Variants in PTPRD observed in about 807,000 individuals in gnomAD.
PTPRD encodes the protein receptor-type tyrosine-protein phosphatase delta.
In PTPRD, 34 loss-of-function variants were observed where a neutral mutation model predicts 214.5. The ratio of observed to expected loss-of-function variants is 0.16; its 90% CI spans 0.12 to 0.21. The LOEUF is 0.21. Among genes scored for constraint, PTPRD ranks in the 10% least tolerant of loss-of-function variants. The pLI, the probability that PTPRD is intolerant of heterozygous loss-of-function variation, is 1.00. For synonymous variants in PTPRD, 1,128 were observed against 845.7 expected (o/e 1.33, Z -5.79); for missense variants, 2,545 against 2,398.7 (o/e 1.06, Z -1.27).
At chr9:8,833,980 C>T (rs1381375629) in intron 11 of PTPRD, among the ~76,000 whole-genome samples, 1 of 150,816 alleles carries the variant, frequency 6.6e-6, no homozygotes, top group African/African-American at 2.4e-5. Context: ...AACAGGTAGA[C>T]ATTTAGTAGA....
chr9:9,723,739 T>C (rs1474875234), intron 7 of PTPRD, among the ~76,000 whole-genome samples: 1 of 152,124 alleles, frequency 6.6e-6, no homozygotes, highest in Non-Finnish European at 1.5e-5. Context: ...CCTCTTTTGT[T>C]AAGTTTATTC....
intron 39 of PTPRD, among the ~76,000 whole-genome samples, chr9:8,350,954 C>T (rs975229256): frequency 4.6e-5 from 7 of 152,152 alleles, no homozygotes; most frequent in South Asian, 2.1e-4. Flanking sequence ...TGACCCAGCA[C>T]CTCCAACTCT....
chr9:10,365,263 T>A (rs534764494), intron 2 of PTPRD, among the ~76,000 whole-genome samples: 1 of 152,186 alleles, frequency 6.6e-6, no homozygotes, highest in African/African-American at 2.4e-5. Context: ...AGTTGTCCAC[T>A]CTGCTTATAG....
chr9:10,200,823 T>C (rs761957406), intron 3 of PTPRD, among the ~76,000 whole-genome samples: 3 of 152,100 alleles, frequency 2.0e-5, no homozygotes, highest in Non-Finnish European at 2.9e-5. Flanking sequence ...TTGATGTCAA[T>C]TGAAAGCATC....
At chr9:8,932,376 T>A (rs564943168) in intron 11 of PTPRD, among the ~76,000 whole-genome samples, 1 of 152,330 alleles carries the variant, frequency 6.6e-6, no homozygotes, top group Non-Finnish European at 1.5e-5. Flanking sequence ...TCTCATTGGT[T>A]TCAAACAATA....
rs73429096 is a variant in PTPRD, at chr9:8,813,855, A to C, written c.-103-79909T>G. Among the ~76,000 whole-genome samples, 611 of 152,370 alleles carry C rather than the reference A, an allele frequency of 4.0e-3. 2 individuals carry two copies. The highest frequency in any genetic ancestry group is 0.013 in the African/African-American group (540 of 41,592). ...CTTACTGAGGAAGAAATTTAAAAGA[A>C]AATGACAACATCGTCTGAGAAGTCT... On this transcript the variant is annotated intron_variant, in intron 11 of 45. Transcript: ENST00000381196.
chr9:9,649,660 G>A (rs955652371), intron 7 of PTPRD, among the ~76,000 whole-genome samples: 1 of 152,106 alleles, frequency 6.6e-6, no homozygotes. Flanking sequence ...CTCATAACTA[G>A]AGTCACTCAT....
At chr9:10,036,566 AC>A (rs200311787) in intron 3 of PTPRD, among the ~76,000 whole-genome samples, 4,290 of 132,334 alleles carry the variant, frequency 0.032, 117 homozygotes, top group Admixed American at 0.1. Flanking sequence ...CAGCACAAAT[AC>A]ATTTTTTTTT....
At chr9:9,681,117 A>G (rs2154397370) in intron 7 of PTPRD, among the ~76,000 whole-genome samples, 1 of 151,976 alleles carries the variant, frequency 6.6e-6, no homozygotes. Flanking sequence ...ATTTCTAAAA[A>G]ATGGAAATAC....
At chr9:8,567,738 C>T (rs1564403496) in intron 14 of PTPRD, among the ~76,000 whole-genome samples, 1 of 152,104 alleles carries the variant, frequency 6.6e-6, no homozygotes. Context: ...AATCATACAA[C>T]CTTTAGGCTG....
chr9:10,085,506 G>A (rs1486081709), intron 3 of PTPRD, among the ~76,000 whole-genome samples: 2 of 151,782 alleles, frequency 1.3e-5, no homozygotes, highest in African/African-American at 2.4e-5. Flanking sequence ...TTTGTGTTGA[G>A]AAATAAGACT....
chr9:10,584,076 A>T (rs1484154225), intron 2 of PTPRD, among the ~76,000 whole-genome samples: 6 of 152,006 alleles, frequency 3.9e-5, no homozygotes, highest in Non-Finnish European at 8.8e-5. Context: ...TGTCTTTCTC[A>T]CATTAAGCCT....
At chr9:9,148,504 C>A (rs1005298108) in intron 10 of PTPRD, among the ~76,000 whole-genome samples, 1 of 152,080 alleles carries the variant, frequency 6.6e-6, no homozygotes, top group African/African-American at 2.4e-5. Context: ...TTGATACATA[C>A]GTGTCATGAA....
At chr9:9,673,128 T>C (rs1456764579) in intron 7 of PTPRD, among the ~76,000 whole-genome samples, 2 of 151,984 alleles carry the variant, frequency 1.3e-5, no homozygotes, top group African/African-American at 2.4e-5. Flanking sequence ...TTCTAGGGAA[T>C]TGTGCAATAT....
chr9:8,816,546 C>T (rs1009383894), intron 11 of PTPRD, among the ~76,000 whole-genome samples: 3 of 152,174 alleles, frequency 2.0e-5, no homozygotes, highest in Admixed American at 2.0e-4. Flanking sequence ...TCCATGCAAC[C>T]ATGTTGCCAT....
At chr9:10,566,896 T>A (rs1340041424) in intron 2 of PTPRD, among the ~76,000 whole-genome samples, 3 of 152,098 alleles carry the variant, frequency 2.0e-5, no homozygotes, top group African/African-American at 7.2e-5. Context: ...AATAGTCTGT[T>A]TATCCAGCAC....
chr9:8,624,857 ACT>A (rs997432800), intron 14 of PTPRD, among the ~76,000 whole-genome samples: 2 of 151,268 alleles, frequency 1.3e-5, no homozygotes, highest in Non-Finnish European at 3.0e-5. Flanking sequence ...CGACTTCTTG[ACT>A]CTCAATCACG....
At chr9:8,416,011 T>A (rs1002781617) in intron 35 of PTPRD, among the ~76,000 whole-genome samples, 1 of 152,144 alleles carries the variant, frequency 6.6e-6, no homozygotes, top group Non-Finnish European at 1.5e-5. Flanking sequence ...AGTCAGTCTT[T>A]GATTCATCCA....
chr9:9,221,993 A>G (rs1449841551), intron 9 of PTPRD, among the ~76,000 whole-genome samples: 3 of 152,092 alleles, frequency 2.0e-5, no homozygotes, highest in African/African-American at 7.2e-5. Flanking sequence ...TAAAGTTTAA[A>G]TCAATCAATG....
Sources: allele counts gnomAD v4.1 joint callset (sites outside exome capture counted in the v4.1 genomes callset), GRCh38; gene constraint gnomAD v4.1.1; transcripts MANE v1.5; gene names NCBI Gene and HGNC (gene_info 2026-07-23, HGNC 2026-07-21).